PHACTR1: variants seen among roughly 807,000 people sequenced by gnomAD.
PHACTR1 encodes RPEL repeat containing 1.
In PHACTR1, 16 loss-of-function variants were observed where a neutral mutation model predicts 69.2. The ratio of observed to expected loss-of-function variants is 0.23; its 90% CI spans 0.16 to 0.35. The LOEUF is 0.35. Ranked by LOEUF, PHACTR1 falls within the 10% of genes least tolerant of loss-of-function variation. The pLI is 1.00. For missense variants in PHACTR1, 510 were observed against 734.7 expected, an observed-to-expected ratio of 0.69 and a Z score of 3.54; for synonymous variants, 312 against 284.5, an observed-to-expected ratio of 1.10 and a Z score of -0.97.
chr6:13,164,967 T>C (rs1233901659), intron 6 of PHACTR1, among the ~76,000 whole-genome samples: 1 of 151,922 alleles, frequency 6.6e-6, no homozygotes, highest in Non-Finnish European at 1.5e-5. Context: ...TTTTTTATTA[T>C]TGGCTTCCAT....
At chr6:13,059,613 C>T (rs1369506351) in intron 5 of PHACTR1, among the ~76,000 whole-genome samples, 1 of 152,146 alleles carries the variant, frequency 6.6e-6, no homozygotes, top group Non-Finnish European at 1.5e-5. Flanking sequence ...TGTATATTTA[C>T]ATATGCAGTT....
At chr6:12,899,820 G>A (rs920059257) in intron 4 of PHACTR1, among the ~76,000 whole-genome samples, 1 of 152,236 alleles carries the variant, frequency 6.6e-6, no homozygotes, top group African/African-American at 2.4e-5. Context: ...AGCATGGCAT[G>A]AGCTCACTGC....
chr6:13,170,998 G>A (rs1760526902), intron 6 of PHACTR1, among the ~76,000 whole-genome samples: 1 of 152,138 alleles, frequency 6.6e-6, no homozygotes, highest in Admixed American at 6.5e-5. Context: ...TCTCATAAAG[G>A]ACATAATCCC....
intron 5 of PHACTR1, among the ~76,000 whole-genome samples, chr6:13,061,372 T>C (rs774831243): frequency 6.6e-6 from 1 of 152,038 alleles, no homozygotes; most frequent in African/African-American, 2.4e-5. Context: ...GAATTTTAGA[T>C]AGGAAAGGAA....
intron 10 of PHACTR1, among the ~76,000 whole-genome samples, chr6:13,265,918 T>A (rs998286749): frequency 1.3e-5 from 2 of 152,104 alleles, no homozygotes; most frequent in African/African-American, 4.8e-5. Flanking sequence ...GCTTCAAATA[T>A]TGTCTATATT....
At chr6:13,267,838 GA>G (rs558900640) in intron 10 of PHACTR1, 11 of 101,050 alleles carry the variant, frequency 1.1e-4, no homozygotes, top group African/African-American at 3.6e-4. Context: ...GGAATGATCT[GA>G]AAAAAAAAAA....
chr6:12,797,691 G>A (rs917895862), intron 4 of PHACTR1, among the ~76,000 whole-genome samples: 1 of 151,998 alleles, frequency 6.6e-6, no homozygotes, highest in Non-Finnish European at 1.5e-5. Context: ...CCTATTCCTG[G>A]ACACCTCTCT....
intron 10 of PHACTR1, among the ~76,000 whole-genome samples, chr6:13,238,445 C>T (rs551671093): frequency 1.8e-4 from 27 of 152,230 alleles, no homozygotes; most frequent in Admixed American, 7.8e-4. Context: ...TCATAATATG[C>T]TAGATAGAAA....
Position 13,011,042 on chromosome 6 carries a change from C to G in PHACTR1, c.251-42323C>G, listed in dbSNP as rs550069222. Among the ~76,000 whole-genome samples, 67 of 152,316 alleles carry G rather than the reference C, an allele frequency of 4.4e-4. No individual in the cohort carries two copies. In the South Asian group the frequency reaches 0.013, roughly 30 times the overall value. On this transcript the variant is annotated intron_variant, in intron 4 of 14. Transcript: ENST00000332995. Reference sequence around the variant, plus strand: ...CTATATTCCATCCTGGGCCCTTCTTCACACACATTCTGTTGTAACAATAAG... The same window carrying G: ...CTATATTCCATCCTGGGCCCTTCTTGACACACATTCTGTTGTAACAATAAG...
chr6:12,815,421 C>T (rs982707529), intron 4 of PHACTR1, among the ~76,000 whole-genome samples: 9 of 152,296 alleles, frequency 5.9e-5, no homozygotes, highest in South Asian at 2.1e-4. Flanking sequence ...TTTGATCATT[C>T]CCTCTGAAGC....
chr6:13,181,070 T>C (rs1017242788), intron 6 of PHACTR1, among the ~76,000 whole-genome samples: 3 of 152,108 alleles, frequency 2.0e-5, no homozygotes, highest in Admixed American at 6.5e-5. Flanking sequence ...TTGGCATTCA[T>C]TATATTTTTT....
intron 4 of PHACTR1, among the ~76,000 whole-genome samples, chr6:12,990,178 T>A (rs1291798877): frequency 6.6e-6 from 1 of 152,206 alleles, no homozygotes; most frequent in Non-Finnish European, 1.5e-5. Context: ...GCAGTAATTG[T>A]CTTAGCTAGG....
intron 5 of PHACTR1, among the ~76,000 whole-genome samples, chr6:13,115,254 G>C (rs1432118260): frequency 6.6e-6 from 1 of 152,170 alleles, no homozygotes; most frequent in Non-Finnish European, 1.5e-5. Context: ...CTGTTTGGTT[G>C]AAGACTTACA....
chr6:13,065,442 A>G (rs572628087), intron 5 of PHACTR1, among the ~76,000 whole-genome samples: 1 of 152,122 alleles, frequency 6.6e-6, no homozygotes, highest in Non-Finnish European at 1.5e-5. Context: ...AGATCTTGAC[A>G]AGATGGTGTC....
chr6:13,233,034 A>G (rs1158901275), intron 10 of PHACTR1, among the ~76,000 whole-genome samples: 3 of 152,202 alleles, frequency 2.0e-5, no homozygotes, highest in Non-Finnish European at 4.4e-5. Context: ...GATGGGAAGC[A>G]TAGGAAGTCG....
chr6:12,793,076 A>G (rs1772538962), intron 4 of PHACTR1, among the ~76,000 whole-genome samples: 1 of 152,174 alleles, frequency 6.6e-6, no homozygotes, highest in African/African-American at 2.4e-5. Flanking sequence ...TTAGAATTAA[A>G]TAAAAGGACA....
chr6:12,731,766 T>C (rs991046085), intron 3 of PHACTR1, among the ~76,000 whole-genome samples: 1 of 152,188 alleles, frequency 6.6e-6, no homozygotes, highest in African/African-American at 2.4e-5. Flanking sequence ...TTTGGATTCT[T>C]CCCACTGCAA....
chr6:13,224,194 C>T (rs951238807), intron 8 of PHACTR1, among the ~76,000 whole-genome samples: 5 of 152,134 alleles, frequency 3.3e-5, no homozygotes, highest in African/African-American at 4.8e-5. Flanking sequence ...GGCTTCTGCC[C>T]GACAAGGAGC....
At position 13,205,945 on chromosome 6, in the gene PHACTR1, G is replaced by T; in HGVS notation, c.795G>T (p.Lys265Asn). 6.2e-7 allele frequency: 1 copy of T among 1,614,040 alleles called. No individual in the cohort carries two copies. Among genetic ancestry groups the T allele is most frequent in the Non-Finnish European group, 8.5e-7 (1 of 1,179,910 alleles). ...CACTGGTGTCCTACACAGCCCAGAA[G>T]AGTGGCCAGCAGGGTGTGGCCCAGC... ...DLSLVSYTAQ[K>N]SGQQGVAQHH... Residue 265 changes from lysine to asparagine, a missense_variant, in exon 8 of 15, where the codon AAG (lysine) becomes AAT (asparagine). Physicochemically the swap from Lys to Asn is moderately conservative, Grantham distance 94 (BLOSUM62 0). Around this residue, in one of 2 missense-constraint regions of PHACTR1, gnomAD observed 419 missense variants for 530.9 expected, o/e 0.79. Coordinates refer to ENST00000332995, the MANE Select transcript of PHACTR1 (RefSeq NM_030948.6).
Sources: allele counts gnomAD v4.1 joint callset (sites outside exome capture counted in the v4.1 genomes callset), GRCh38; gene constraint gnomAD v4.1.1; regional missense constraint gnomAD v4.1.1; transcripts MANE v1.5; gene names NCBI Gene and HGNC (gene_info 2026-07-23, HGNC 2026-07-21).